UGT2B15: variants seen among roughly 807,000 people sequenced by gnomAD.
UGT2B15 encodes the protein UDP glucuronosyltransferase family 2 member B15.
Under a neutral mutation model 45.9 loss-of-function variants are expected in UGT2B15, and 36 were observed. The observed-to-expected ratio is 0.78, with a 90% CI of 0.60 to 1.04. UGT2B15 has a LOEUF of 1.04. Among genes scored for constraint, UGT2B15 ranks in the 50% least tolerant of loss-of-function variants. The probability of loss-of-function intolerance (pLI) is 0.00; values close to 1 mark genes in which losing one functional copy is unlikely to be tolerated. For missense variants in UGT2B15, 617 were observed against 622.4 expected (o/e 0.99, Z 0.09); for synonymous variants, 219 against 216.4 (o/e 1.01, Z -0.11).
Position 68,668,081 on chromosome 4 carries a change from C to A in UGT2B15, c.832G>T (p.Val278Phe). 6.2e-7 allele frequency: 1 copy of A among 1,613,910 alleles called. No individual in the cohort carries two copies. Among genetic ancestry groups the A allele is most frequent in the Non-Finnish European group, 8.5e-7 (1 of 1,179,928 alleles). Residue 278 changes from valine (V) to phenylalanine (F), a missense_variant, in exon 2 of 6, where the codon GTT (valine) becomes TTT (phenylalanine). Coordinates refer to ENST00000338206, the MANE Select transcript of UGT2B15 (RefSeq NM_001076.4). ...GCTGGTTTACAGTGAAGTCCTCCAACAAAATCAACATTTGGTAAGAATGGG... is the reference window on the plus strand; with the variant it reads ...GCTGGTTTACAGTGAAGTCCTCCAAAAAAATCAACATTTGGTAAGAATGGG... ...PRPFLPNVDF[V>F]GGLHCKPAKP... is the part of the protein sequence containing the mutation.
At chr4:68,651,840 G>T (rs1405907271) in intron 5 of UGT2B15, among the ~76,000 whole-genome samples, 1 of 151,994 alleles carries the variant, frequency 6.6e-6, no homozygotes, top group African/African-American at 2.4e-5. Context: ...GCTTAGGATT[G>T]CCTTGGTTAT....
intron 3 of UGT2B15, among the ~76,000 whole-genome samples, chr4:68,662,389 G>GTTT (rs563877748): frequency 6.9e-6 from 1 of 144,416 alleles, no homozygotes. Context: ...GAGCAGACAA[G>GTTT]TTTTTTTTTT....
intron 3 of UGT2B15, among the ~76,000 whole-genome samples, chr4:68,659,040 C>T (rs1205684786): frequency 6.6e-6 from 1 of 151,972 alleles, no homozygotes; most frequent in African/African-American, 2.4e-5. Flanking sequence ...AAACTGACTT[C>T]TTAATAAAGA....
intron 2 of UGT2B15, among the ~76,000 whole-genome samples, chr4:68,666,854 C>A (rs1186043551): frequency 6.7e-6 from 1 of 150,370 alleles, no homozygotes; most frequent in Non-Finnish European, 1.5e-5. Flanking sequence ...TCAAGTGATT[C>A]TCCTGCCTCA....
Position 68,668,315 on chromosome 4 carries a change from A to G in UGT2B15, c.725-127T>C, listed in dbSNP as rs375723417. The G allele has an allele frequency of 8.4e-5, 111 of 1,319,384 alleles. 2 individuals carry two copies. The South Asian group carries it at 1.6e-3, about 19-fold the overall frequency. The allele number at this position is 1,319,384 out of a possible 1,614,324, so 81.7% of individuals were successfully genotyped here. A position where few individuals can be genotyped will look rare whatever the true frequency, so the allele number is the denominator to read the frequency against. On this transcript the variant is annotated intron_variant, in intron 1 of 5. Transcript: ENST00000338206. ...ACATATATAAAATGTCTGTGCATTG[A>G]TAAAATATATATAAATACATTTATA...
intron 3 of UGT2B15, among the ~76,000 whole-genome samples, chr4:68,662,651 C>A (rs1457072227): frequency 6.6e-5 from 10 of 151,924 alleles, no homozygotes; most frequent in Non-Finnish European, 8.8e-5. Context: ...TTGATAATAT[C>A]TACAGTGTAT....
chr4:68,653,722 A>G (rs1732719629), intron 5 of UGT2B15, among the ~76,000 whole-genome samples: 1 of 152,038 alleles, frequency 6.6e-6, no homozygotes, highest in Non-Finnish European at 1.5e-5. Flanking sequence ...TTGAATTGAA[A>G]TATCATATTT....
At chr4:68,657,153 G>A (rs1280744612) in intron 3 of UGT2B15, among the ~76,000 whole-genome samples, 2 of 152,124 alleles carry the variant, frequency 1.3e-5, no homozygotes, top group Non-Finnish European at 2.9e-5. Flanking sequence ...GAGAGACTGA[G>A]TTTTCTCAGC....
rs1312858587 is a variant in UGT2B15 at position 68,646,861 on chromosome 4, G to A, written c.*243C>T. 4 of 559,174 alleles carry A rather than the reference G, an allele frequency of 7.2e-6. No homozygotes were observed. In the East Asian group the frequency reaches 1.0e-4, roughly 14 times the overall value. The allele number at this position is 559,174 out of a possible 1,614,324, so 34.6% of individuals were successfully genotyped here. ...TCCAGTAACTCGTCATTTAACATTA[G>A]GTATATCTCCAAATGCTATCCTTCC... On this transcript the variant is annotated 3_prime_UTR_variant, in exon 6 of 6. Transcript: ENST00000338206.
chr4:68,660,349 T>G (rs1732927496), intron 3 of UGT2B15, among the ~76,000 whole-genome samples: 1 of 151,642 alleles, frequency 6.6e-6, no homozygotes, highest in Non-Finnish European at 1.5e-5. Flanking sequence ...CCAAGTTTAT[T>G]TTGGAACCCC....
intron 2 of UGT2B15, among the ~76,000 whole-genome samples, chr4:68,663,619 A>G (rs1236221966): frequency 6.6e-6 from 1 of 151,968 alleles, no homozygotes; most frequent in Non-Finnish European, 1.5e-5. Flanking sequence ...GAGCCATTAC[A>G]TGACTATGAG....
intron 5 of UGT2B15, among the ~76,000 whole-genome samples, chr4:68,649,992 C>T (rs1473138002): frequency 6.6e-6 from 1 of 151,612 alleles, no homozygotes; most frequent in Non-Finnish European, 1.5e-5. Flanking sequence ...ACCACCATGC[C>T]CAGATAATTT....
intron 3 of UGT2B15, among the ~76,000 whole-genome samples, chr4:68,656,259 G>T (rs980890559): frequency 6.6e-6 from 1 of 152,090 alleles, no homozygotes; most frequent in Non-Finnish European, 1.5e-5. Flanking sequence ...TAGGATGGCA[G>T]AGGGCAGTTT....
chr4:68,659,816 C>A (rs1282223997), intron 3 of UGT2B15, among the ~76,000 whole-genome samples: 2 of 151,716 alleles, frequency 1.3e-5, no homozygotes, highest in Non-Finnish European at 2.9e-5. Flanking sequence ...TCATGGAGAA[C>A]TAAAATGTTC....
At chr4:68,657,722 T>A (rs1164859176) in intron 3 of UGT2B15, among the ~76,000 whole-genome samples, 1 of 152,030 alleles carries the variant, frequency 6.6e-6, no homozygotes, top group Non-Finnish European at 1.5e-5. Context: ...TTAAAAAAAA[T>A]TCTTTTCTTC....
chr4:68,656,418 T>C (rs1732809133), intron 3 of UGT2B15, among the ~76,000 whole-genome samples: 1 of 150,872 alleles, frequency 6.6e-6, no homozygotes, highest in Non-Finnish European at 1.5e-5. Context: ...TACATTCCAG[T>C]ATTTCTCCCA....
At chr4:68,668,292 A>G (rs1403109660) in intron 1 of UGT2B15, 104 bp from the exon 2 acceptor site, 3 of 1,519,562 alleles carry the variant, frequency 2.0e-6, no homozygotes, top group Admixed American at 2.1e-5. Context: ...ATACCCAAAC[A>G]TATATAAAAT....
At chr4:68,667,955 T>G in intron 2 of UGT2B15, 85 bp downstream of exon 2, 1 of 1,543,730 alleles carries the variant, frequency 6.5e-7, no homozygotes, top group South Asian at 1.2e-5. Flanking sequence ...TTCCCCTCAC[T>G]CTGAGTTAAA....
chr4:68,655,044 C>T (rs1330258350), intron 4 of UGT2B15, 51 bp downstream of exon 4: 12 of 1,578,148 alleles, frequency 7.6e-6, no homozygotes, highest in Admixed American at 5.1e-5. Flanking sequence ...ACTATTATCA[C>T]TCCAATTTGC....
Sources: gnomAD v4.1 joint callset for allele counts (sites outside exome capture counted in the v4.1 genomes callset) on GRCh38, gnomAD v4.1.1 for gene constraint, MANE v1.5 for transcripts, NCBI Gene and HGNC (gene_info 2026-07-23, HGNC 2026-07-21) for gene names.